The following FSHR variants were observed in gnomAD, a reference collection of about 807,000 sequenced individuals.
FSHR encodes the protein follicle stimulating hormone receptor, also known as follicle-stimulating hormone receptor.
In FSHR, 46 loss-of-function variants were observed where a neutral mutation model predicts 52.1. The ratio of observed to expected loss-of-function variants is 0.88; its 90% CI spans 0.70 to 1.13. The LOEUF (loss-of-function observed/expected upper bound fraction) is 1.13. Ranked by LOEUF, FSHR falls within the 50% of genes most tolerant of loss-of-function variation. FSHR has a pLI of 0.00. For synonymous variants in FSHR, 399 were observed against 309.6 expected (o/e 1.29, Z -3.03); for missense variants, 964 against 834.6 (o/e 1.16, Z -1.91).
Position 49,004,837 on chromosome 2 carries a change from C to CA in FSHR, c.374+12651dup, listed in dbSNP as rs530291654. Among the ~76,000 whole-genome samples, 232 of 152,170 alleles carry CA rather than the reference C, an allele frequency of 1.5e-3. 1 individual carries two copies. The highest frequency in any genetic ancestry group is 5.4e-3 in the African/African-American group (225 of 41,526). ...GATGAAAGACAGACAGGTCTTATTT[C>CA]AAAATTAATGAGGTAAGGATACAAC... On this transcript the variant is annotated intron_variant, in intron 4 of 9. Coordinates refer to ENST00000406846, the MANE Select transcript of FSHR (RefSeq NM_000145.4).
At chr2:49,046,141 G>T (rs1045698515) in intron 2 of FSHR, among the ~76,000 whole-genome samples, 1 of 152,172 alleles carries the variant, frequency 6.6e-6, no homozygotes, top group African/African-American at 2.4e-5. Flanking sequence ...TTAAAGGTTG[G>T]TGTGGGAGAT....
intron 1 of FSHR, among the ~76,000 whole-genome samples, chr2:49,080,445 A>C (rs1670127234): frequency 6.6e-6 from 1 of 152,202 alleles, no homozygotes. Flanking sequence ...AAGTACCCTC[A>C]AGTATGAACA....
At chr2:49,134,736 T>TA in intron 1 of FSHR, among the ~76,000 whole-genome samples, 1 of 152,152 alleles carries the variant, frequency 6.6e-6, no homozygotes, top group East Asian at 1.9e-4. Flanking sequence ...TATGCAGACA[T>TA]AAAAAATGAT....
chr2:49,087,313 A>T (rs868198830), intron 1 of FSHR, among the ~76,000 whole-genome samples: 1 of 152,028 alleles, frequency 6.6e-6, no homozygotes. Context: ...TAGTGTATAT[A>T]ACAGTAAAGA....
intron 8 of FSHR, 124 bp downstream of exon 8, chr2:48,982,788 C>T: frequency 1.2e-6 from 1 of 838,200 alleles, no homozygotes; most frequent in Non-Finnish European, 2.0e-6. Flanking sequence ...TTGCAGATGA[C>T]ACGAATAAAA....
chr2:49,003,108 G>C (rs1167559143), intron 4 of FSHR, among the ~76,000 whole-genome samples: 5 of 152,132 alleles, frequency 3.3e-5, no homozygotes, highest in African/African-American at 1.2e-4. Context: ...GTGAGCTCGT[G>C]ATTAAACCAC....
chr2:49,017,152 C>G (rs1158675912), intron 4 of FSHR, among the ~76,000 whole-genome samples: 2 of 152,194 alleles, frequency 1.3e-5, no homozygotes, highest in Non-Finnish European at 2.9e-5. Flanking sequence ...GCTTTGAAGT[C>G]AAGGTCACAA....
At position 49,091,618 on chromosome 2, in the gene FSHR, A is replaced by T. The variant is rs570470608; in HGVS notation, c.153-23328T>A. ...AGCCAATAACAATTTTTTTAAAAAC[A>T]TATGCTCCAGTGCTATTTGTTTAAA... On this transcript the variant is annotated intron_variant, in intron 1 of 9. Transcript: ENST00000406846. Among the ~76,000 whole-genome samples, 14 of 152,300 alleles carry T rather than the reference A, an allele frequency of 9.2e-5. No individual in the cohort carries two copies. The East Asian group carries it at 2.5e-3, about 27-fold the overall frequency.
chr2:49,081,078 C>G (rs1670151562), intron 1 of FSHR, among the ~76,000 whole-genome samples: 1 of 152,096 alleles, frequency 6.6e-6, no homozygotes, highest in South Asian at 2.1e-4. Context: ...CTGATTGACC[C>G]TACTGTTTCT....
At chr2:49,139,733 G>A (rs2103832944) in intron 1 of FSHR, among the ~76,000 whole-genome samples, 1 of 151,976 alleles carries the variant, frequency 6.6e-6, no homozygotes, top group South Asian at 2.1e-4. Flanking sequence ...GAGTAGCTGG[G>A]ACTACAGGCA....
At chr2:49,093,809 C>T (rs1164045445) in intron 1 of FSHR, among the ~76,000 whole-genome samples, 2 of 152,106 alleles carry the variant, frequency 1.3e-5, no homozygotes, top group East Asian at 3.9e-4. Flanking sequence ...GTTGGCCAGG[C>T]TGGTCTCGAA....
chr2:49,131,442 A>G (rs1672273707), intron 1 of FSHR, among the ~76,000 whole-genome samples: 3 of 152,206 alleles, frequency 2.0e-5, no homozygotes, highest in South Asian at 4.1e-4. Flanking sequence ...AAACAAATAA[A>G]TAAATAATCA....
chr2:49,131,798 C>T (rs1672289587), intron 1 of FSHR, among the ~76,000 whole-genome samples: 1 of 152,152 alleles, frequency 6.6e-6, no homozygotes, highest in South Asian at 2.1e-4. Flanking sequence ...GACTAGTTCT[C>T]CAGAAGTTCT....
chr2:49,068,099 A>G lies in FSHR; in HGVS notation c.224+120T>C, dbSNP rs1296941076. The G allele has an allele frequency of 9.0e-6, 7 of 776,026 alleles. No homozygotes were observed. The East Asian group carries it at 1.7e-4, about 19-fold the overall frequency. 48.1% of individuals were successfully genotyped at this position (776,026 alleles called of 1,614,324 possible). On this transcript the variant is annotated intron_variant, in intron 2 of 9. Coordinates refer to ENST00000406846, the MANE Select transcript of FSHR (RefSeq NM_000145.4). The stretch of plus-strand genomic sequence containing the variant: ...CACAGTAAAATGTGAGGAGATGCAG[A>G]AAGTTTGGCTGACCATGTCAGTTCG...
chr2:49,151,222 A>G (rs1186676683), intron 1 of FSHR, among the ~76,000 whole-genome samples: 1 of 151,512 alleles, frequency 6.6e-6, no homozygotes, highest in African/African-American at 2.4e-5. Flanking sequence ...AGGAGATATA[A>G]AAGATTCAAA....
chr2:49,088,198 G>C (rs555965423), intron 1 of FSHR, among the ~76,000 whole-genome samples: 1 of 152,156 alleles, frequency 6.6e-6, no homozygotes, highest in Non-Finnish European at 1.5e-5. Context: ...GTGGTGCAGA[G>C]GGATAAGAGA....
intron 1 of FSHR, among the ~76,000 whole-genome samples, chr2:49,135,053 TATCA>T (rs2103821279): frequency 6.6e-6 from 1 of 152,100 alleles, no homozygotes; most frequent in South Asian, 2.1e-4. Context: ...TACCCTAAAC[TATCA>T]ATCTAGACAG....
intron 4 of FSHR, among the ~76,000 whole-genome samples, chr2:48,994,022 C>T (rs758595485): frequency 1.3e-5 from 2 of 152,146 alleles, no homozygotes; most frequent in African/African-American, 4.8e-5. Context: ...GCCTCTTCAA[C>T]CAGATTGTGA....
At chr2:49,084,146 T>C (rs1670284842) in intron 1 of FSHR, among the ~76,000 whole-genome samples, 1 of 152,094 alleles carries the variant, frequency 6.6e-6, no homozygotes, top group Admixed American at 6.5e-5. Flanking sequence ...ACAAACTATC[T>C]CTCAGACCAC....
Sources: gnomAD v4.1 joint callset for allele counts (sites outside exome capture counted in the v4.1 genomes callset) on GRCh38, gnomAD v4.1.1 for gene constraint, MANE v1.5 for transcripts, NCBI Gene and HGNC (gene_info 2026-07-23, HGNC 2026-07-21) for gene names.